The following CEP112 variants were observed in gnomAD, a reference collection of about 807,000 sequenced individuals.
The protein encoded by CEP112 is centrosomal protein of 112 kDa.
In CEP112, 127 loss-of-function variants were observed where a neutral mutation model predicts 153.0. The observed-to-expected ratio is 0.83, with a 90% confidence interval of 0.72 to 0.96. CEP112 has a LOEUF of 0.96. CEP112 is among the 40% of genes least tolerant of loss of function. CEP112 has a pLI of 0.00. For synonymous variants in CEP112, 358 were observed against 374.4 expected, an observed-to-expected ratio of 0.96 and a Z score of 0.51; for missense variants, 1,089 against 1,101.2, an observed-to-expected ratio of 0.99 and a Z score of 0.16.
chr17:65,787,246 G>T (rs563505210), intron 21 of CEP112, among the ~76,000 whole-genome samples: 2 of 152,220 alleles, frequency 1.3e-5, no homozygotes, highest in African/African-American at 4.8e-5. Context: ...TTGGGAAGCC[G>T]AGGTGGGAGG....
intron 21 of CEP112, among the ~76,000 whole-genome samples, chr17:65,832,504 G>T (rs1354319986): frequency 1.3e-5 from 2 of 150,730 alleles, no homozygotes; most frequent in African/African-American, 4.9e-5. Flanking sequence ...AACACAATTA[G>T]AAATGACTAT....
At position 65,956,405 on chromosome 17, in the gene CEP112, T is replaced by TACACACAC. The variant is rs535606142; in HGVS notation, c.1872+5057_1872+5058insGTGTGTGT. 7.7e-3 allele frequency among the ~76,000 whole-genome samples: 1,115 copies of TACACACAC among 144,836 alleles called. 14 individuals are homozygous for TACACACAC. Among genetic ancestry groups the TACACACAC allele is most frequent in the South Asian group, 0.029 (124 of 4,348 alleles). ...AGAAATTATGATATATATACATACA[T>TACACACAC]ACATACACACACACACACACACACA... On this transcript the variant is annotated intron_variant, in intron 18 of 26. Transcript: ENST00000535342.
intron 20 of CEP112, among the ~76,000 whole-genome samples, chr17:65,859,439 CAAAA>C (rs57675567): frequency 2.1e-5 from 2 of 93,666 alleles, no homozygotes; most frequent in Admixed American, 1.1e-4. Flanking sequence ...GACTCCATCT[CAAAA>C]AAAAAAAAAA....
intron 6 of CEP112, among the ~76,000 whole-genome samples, chr17:66,122,008 C>T (rs1172292460): frequency 6.6e-6 from 1 of 152,118 alleles, no homozygotes; most frequent in Non-Finnish European, 1.5e-5. Flanking sequence ...GATCCTCCTG[C>T]CGCAGCTTCC....
chr17:65,742,978 G>A (rs975983687), intron 23 of CEP112, 90 bp downstream of exon 23: 28 of 994,902 alleles, frequency 2.8e-5, no homozygotes, highest in Admixed American at 1.4e-4. Context: ...CCAGATACCC[G>A]CATTCATCTG....
intron 24 of CEP112, among the ~76,000 whole-genome samples, chr17:65,653,506 T>C (rs1598206302): frequency 1.3e-5 from 2 of 152,116 alleles, no homozygotes; most frequent in Admixed American, 6.5e-5. Flanking sequence ...GCATGGCGTG[T>C]ACTCTGAGGG....
In CEP112 at chr17:66,101,424, A is replaced by G. The variant is rs1039819041; in HGVS notation, c.643-4792T>C. ...TATTAGAGCATGAACATTTTATCTT[A>G]GTTAAAAGATAATCAAGAGGGAAAA... is the stretch of plus-strand genomic sequence containing the variant. On this transcript the variant is annotated intron_variant, in intron 6 of 26. Transcript: ENST00000535342. Among the ~76,000 whole-genome samples, 12 of 152,112 alleles carry G rather than the reference A, an allele frequency of 7.9e-5. No individual in the cohort carries two copies. In the South Asian group the frequency reaches 8.3e-4, roughly 10 times the overall value.
At chr17:65,971,619 A>G (rs955913482) in intron 17 of CEP112, among the ~76,000 whole-genome samples, 33 of 152,030 alleles carry the variant, frequency 2.2e-4, no homozygotes, top group Non-Finnish European at 4.1e-4. Flanking sequence ...TATTATATGT[A>G]TATCCCATGC....
intron 21 of CEP112, among the ~76,000 whole-genome samples, chr17:65,785,402 A>C (rs2054226948): frequency 1.3e-5 from 2 of 152,236 alleles, no homozygotes. Flanking sequence ...ACTATTTTCC[A>C]AAATGACTGC....
chr17:65,805,103 C>T (rs538409391), intron 21 of CEP112, among the ~76,000 whole-genome samples: 1 of 152,212 alleles, frequency 6.6e-6, no homozygotes, highest in African/African-American at 2.4e-5. Flanking sequence ...GCCACTTTGG[C>T]TCCCAAAGTG....
At chr17:66,134,895 C>A (rs2070367391) in intron 4 of CEP112, among the ~76,000 whole-genome samples, 1 of 152,166 alleles carries the variant, frequency 6.6e-6, no homozygotes. Flanking sequence ...TTCACAATAA[C>A]CTTCACTAGC....
intron 9 of CEP112, among the ~76,000 whole-genome samples, chr17:66,069,062 C>A (rs541472914): frequency 2.6e-5 from 4 of 151,308 alleles, no homozygotes; most frequent in Admixed American, 2.6e-4. Context: ...AAAGGACAAG[C>A]CAAATACGTA....
At chr17:65,893,843 T>A (rs535276410) in intron 20 of CEP112, among the ~76,000 whole-genome samples, 1 of 152,256 alleles carries the variant, frequency 6.6e-6, no homozygotes, top group African/African-American at 2.4e-5. Context: ...CAAGTAGGCA[T>A]GATTCCAATT....
intron 17 of CEP112, among the ~76,000 whole-genome samples, chr17:65,970,396 G>A (rs1171616800): frequency 6.4e-4 from 2 of 3,138 alleles, no homozygotes; most frequent in Non-Finnish European, 1.4e-3. Context: ...TATATTACAT[G>A]CATGCACACA....
At chr17:65,671,725 A>G in intron 24 of CEP112, among the ~76,000 whole-genome samples, 1 of 152,138 alleles carries the variant, frequency 6.6e-6, no homozygotes, top group East Asian at 1.9e-4. Context: ...TAATACATTC[A>G]CTGCCCTCAG....
intron 24 of CEP112, among the ~76,000 whole-genome samples, chr17:65,648,720 G>A (rs921837330): frequency 2.6e-5 from 4 of 152,156 alleles, no homozygotes; most frequent in African/African-American, 9.7e-5. Context: ...ATAGCGAAGG[G>A]AGAACTAAAA....
intron 19 of CEP112, among the ~76,000 whole-genome samples, chr17:65,924,007 C>T (rs188828948): frequency 8.5e-5 from 13 of 152,106 alleles, no homozygotes; most frequent in South Asian, 2.1e-4. Flanking sequence ...GACAGAGTCT[C>T]GCTCTGTCAC....
At chr17:66,102,032 T>C (rs1388825068) in intron 6 of CEP112, among the ~76,000 whole-genome samples, 1 of 152,182 alleles carries the variant, frequency 6.6e-6, no homozygotes, top group Non-Finnish European at 1.5e-5. Context: ...AGTTTCACCA[T>C]CTCAACAGTT....
At chr17:66,172,621 T>C (rs2072293332) in intron 4 of CEP112, among the ~76,000 whole-genome samples, 1 of 152,220 alleles carries the variant, frequency 6.6e-6, no homozygotes, top group Admixed American at 6.5e-5. Context: ...ATTCTCATTG[T>C]ATTTTCTCAA....
Sources: allele counts gnomAD v4.1 joint callset (sites outside exome capture counted in the v4.1 genomes callset), GRCh38; gene constraint gnomAD v4.1.1; transcripts MANE v1.5; gene names NCBI Gene and HGNC (gene_info 2026-07-23, HGNC 2026-07-21).